Variants in RGPD3 observed in about 807,000 individuals in gnomAD.
The protein encoded by RGPD3 is RANBP2 like and GRIP domain containing 3, also known as ranBP2-like and GRIP domain-containing protein 3.
In RGPD3, 62 loss-of-function variants were observed where a neutral mutation model predicts 154.5. The ratio of observed to expected loss-of-function variants is 0.40; its 90% CI spans 0.33 to 0.50. RGPD3 has a LOEUF of 0.50. RGPD3 is among the 20% of genes least tolerant of loss of function. The pLI is 0.59. For synonymous variants in RGPD3, 308 were observed against 607.0 expected (o/e 0.51, Z 7.24); for missense variants, 919 against 1,716.8 (o/e 0.54, Z 8.21).
rs72627452 is a variant in RGPD3 at position 106,422,869 on chromosome 2, T to C, written c.4924+174A>G. ...AATGTCTTTAACTAAGTTCTCTTGC[T>C]CTTTGAAACCTCACCATGAACTTAT... On this transcript the variant is annotated intron_variant, in intron 20 of 22. Transcript: ENST00000409886. 5.3e-5 allele frequency among the ~76,000 whole-genome samples: 8 copies of C among 151,938 alleles called. No individual in the cohort carries two copies. In the East Asian group the frequency reaches 1.6e-3, roughly 30 times the overall value.
chr2:106,414,007 C>A (rs1185791821), intron 21 of RGPD3, among the ~76,000 whole-genome samples: 1 of 152,142 alleles, frequency 6.6e-6, no homozygotes, highest in African/African-American at 2.4e-5. Context: ...CCTGCCCCTA[C>A]GCTGTTCCTG....
At chr2:106,460,829 A>T (rs2104517397) in intron 1 of RGPD3, among the ~76,000 whole-genome samples, 1 of 88,914 alleles carries the variant, frequency 1.1e-5, no homozygotes, top group African/African-American at 4.5e-5. Flanking sequence ...CAACAGAATG[A>T]TTCCATCTCA....
chr2:106,449,466 CAAA>C (rs1160792236), intron 6 of RGPD3, among the ~76,000 whole-genome samples: 2 of 56,852 alleles, frequency 3.5e-5, no homozygotes, highest in Middle Eastern at 8.9e-3. Context: ...AACTCTGTCT[CAAA>C]AAAAAAAAAA....
chr2:106,403,563 G>A lies in RGPD3; in HGVS notation c.*1656C>T, dbSNP rs1297875688. Among the ~76,000 whole-genome samples, 5 of 152,226 alleles carry A rather than the reference G, an allele frequency of 3.3e-5. No homozygotes were observed. The highest frequency in any genetic ancestry group is 1.2e-4 in the African/African-American group (5 of 41,470). On this transcript the variant is annotated 3_prime_UTR_variant, in exon 23 of 23. Coordinates refer to ENST00000409886, the MANE Select transcript of RGPD3 (RefSeq NM_001144013.2). ...AAGTGGAGACTATATTTCAAAACAA[G>A]TTTATACAGACTTCAAAAGGTCTCA... is the stretch of plus-strand genomic sequence containing the variant.
chr2:106,455,219 C>T (rs1376318268), intron 4 of RGPD3, among the ~76,000 whole-genome samples: 2 of 149,496 alleles, frequency 1.3e-5, no homozygotes, highest in African/African-American at 2.4e-5. Context: ...CCATGAAATA[C>T]TACTCAGAAG....
intron 9 of RGPD3, among the ~76,000 whole-genome samples, chr2:106,438,525 T>G (rs1677646067): frequency 6.7e-6 from 1 of 149,362 alleles, no homozygotes; most frequent in African/African-American, 2.5e-5. Context: ...CTCACACCTG[T>G]AATCCCAGCA....
chr2:106,468,634 C>G (rs1678727448), upstream of RGPD3, among the ~76,000 whole-genome samples: 2 of 151,812 alleles, frequency 1.3e-5, no homozygotes, highest in Admixed American at 6.6e-5. Flanking sequence ...GGTGAAAGCC[C>G]ATCTCTACTA....
intron 22 of RGPD3, among the ~76,000 whole-genome samples, chr2:106,410,383 T>C (rs71234759): frequency 1.3e-5 from 2 of 152,176 alleles, no homozygotes; most frequent in Admixed American, 6.5e-5. Context: ...TCTGGGTTTC[T>C]AATGTGTATC....
At chr2:106,450,939 A>G (rs1195111113) in intron 6 of RGPD3, among the ~76,000 whole-genome samples, 1 of 145,804 alleles carries the variant, frequency 6.9e-6, no homozygotes, top group Non-Finnish European at 1.5e-5. Flanking sequence ...AAATACAAAA[A>G]TTAGCTGGGC....
intron 18 of RGPD3, among the ~76,000 whole-genome samples, chr2:106,427,015 T>A (rs1483638794): frequency 2.0e-5 from 3 of 151,428 alleles, no homozygotes; most frequent in African/African-American, 7.3e-5. Context: ...AATCTTAAAG[T>A]CTTGCAAGAT....
At chr2:106,460,320 C>A (rs1055115298) in intron 1 of RGPD3, among the ~76,000 whole-genome samples, 1 of 151,622 alleles carries the variant, frequency 6.6e-6, no homozygotes, top group Non-Finnish European at 1.5e-5. Context: ...GAAATCTCTT[C>A]TCCTACCATG....
intron 20 of RGPD3, among the ~76,000 whole-genome samples, chr2:106,420,825 G>C (rs1193180357): frequency 1.3e-5 from 2 of 152,230 alleles, no homozygotes; most frequent in Non-Finnish European, 2.9e-5. Context: ...CCCAGAGCTG[G>C]AGTGCAGTGA....
chr2:106,463,031 C>T (rs1485670783), intron 1 of RGPD3, among the ~76,000 whole-genome samples: 1 of 149,968 alleles, frequency 6.7e-6, no homozygotes, highest in Non-Finnish European at 1.5e-5. Context: ...AAGAAATGGT[C>T]AAAGAAATAA....
At chr2:106,408,840 C>A (rs530839749) in intron 22 of RGPD3, among the ~76,000 whole-genome samples, 1 of 151,686 alleles carries the variant, frequency 6.6e-6, no homozygotes, top group Non-Finnish European at 1.5e-5. Context: ...GCACATGCCA[C>A]CAGAACGGGC....
chr2:106,467,607 A>C (rs1348308963), intron 1 of RGPD3, among the ~76,000 whole-genome samples: 2 of 137,252 alleles, frequency 1.5e-5, no homozygotes, highest in African/African-American at 2.9e-5. Context: ...CCATCAAGGC[A>C]GCCGCCGGGC....
intron 1 of RGPD3, among the ~76,000 whole-genome samples, 199 bp from the exon 2 acceptor site, chr2:106,459,531 C>T (rs1678344668): frequency 6.7e-6 from 1 of 150,302 alleles, no homozygotes; most frequent in Non-Finnish European, 1.5e-5. Context: ...GAGCTGGGTG[C>T]AGCGGCTCAT....
chr2:106,414,807 TA>T (rs1676774835), intron 21 of RGPD3, among the ~76,000 whole-genome samples: 1 of 150,904 alleles, frequency 6.6e-6, no homozygotes, highest in Non-Finnish European at 1.5e-5. Flanking sequence ...AATTCGGCTT[TA>T]AAATAATCTG....
At chr2:106,450,439 G>T (rs1406634371) in intron 6 of RGPD3, among the ~76,000 whole-genome samples, 5 of 150,482 alleles carry the variant, frequency 3.3e-5, no homozygotes, top group African/African-American at 7.4e-5. Context: ...CTTCCTCAGG[G>T]TCCTCCCCTC....
chr2:106,466,625 G>A (rs1321217001), intron 1 of RGPD3, among the ~76,000 whole-genome samples: 1 of 22,604 alleles, frequency 4.4e-5, no homozygotes, highest in Non-Finnish European at 8.5e-5. Context: ...CTGAGCCATC[G>A]AGGCCGCCGC....
Sources: allele counts gnomAD v4.1 joint callset (sites outside exome capture counted in the v4.1 genomes callset), GRCh38; gene constraint gnomAD v4.1.1; transcripts MANE v1.5; gene names NCBI Gene and HGNC (gene_info 2026-07-23, HGNC 2026-07-21).